The following SPNS3 variants were observed in gnomAD, a reference collection of about 807,000 sequenced individuals.
SPNS3 encodes the protein SPNS lysolipid transporter 3, sphingosine-1-phosphate (putative).
SPNS3 carries 51 observed loss-of-function variants against 54.4 expected under a neutral mutation model. That is an observed-to-expected ratio of 0.94 (90% CI 0.75 to 1.18). The LOEUF (loss-of-function observed/expected upper bound fraction) is 1.18, where lower values mean the gene tolerates loss of function less well. SPNS3 is among the 50% of genes most tolerant of loss of function. The pLI, the probability that SPNS3 is intolerant of heterozygous loss-of-function variation, is 0.00. For missense variants in SPNS3, 669 were observed against 677.4 expected (o/e 0.99, Z 0.14); for synonymous variants, 309 against 294.7 (o/e 1.05, Z -0.50).
At chr17:4,446,719 C>T (rs371505491) in intron 4 of SPNS3, 177 bp from the exon 5 acceptor site, 16 of 640,268 alleles carry the variant, frequency 2.5e-5, no homozygotes, top group South Asian at 8.8e-5. Context: ...GTGACCTGAC[C>T]GAGGGCAGTG....
chr17:4,476,969 CT>C (rs890483429), intron 8 of SPNS3, among the ~76,000 whole-genome samples: 7 of 152,222 alleles, frequency 4.6e-5, no homozygotes, highest in African/African-American at 1.7e-4. Flanking sequence ...TGTGGCTGTC[CT>C]GGGCCCGTCC....
Position 4,484,389 on chromosome 17 carries a change from C to T in SPNS3, c.1180-1839C>T, listed in dbSNP as rs141766553. 2.5e-3 allele frequency among the ~76,000 whole-genome samples: 381 copies of T among 152,302 alleles called. 2 individuals carry two copies. The highest frequency in any genetic ancestry group is 8.7e-3 in the African/African-American group (360 of 41,548). On this transcript the variant is annotated intron_variant, in intron 9 of 11. Coordinates refer to ENST00000355530, the MANE Select transcript of SPNS3 (RefSeq NM_182538.5). The stretch of plus-strand genomic sequence containing the variant: ...AGGCTGGAGTATAGTGGTGCCACCT[C>T]GGCTCACTAGAACCTCCACCTCCCG...
At chr17:4,453,274 A>C in intron 8 of SPNS3, 69 bp downstream of exon 8, 15 of 1,445,384 alleles carry the variant, frequency 1.0e-5, no homozygotes, top group Non-Finnish European at 1.1e-5. Context: ...CCACAGGCTC[A>C]TGCTGCGCCC....
chr17:4,475,649 A>G (rs924024), intron 8 of SPNS3, among the ~76,000 whole-genome samples: 97,980 of 152,074 alleles, frequency 0.64, 31,829 homozygotes, highest in East Asian at 0.86. Flanking sequence ...ACTGGGCAGG[A>G]ACAGAGATGT....
chr17:4,465,408 T>C (rs1971650364), intron 8 of SPNS3, among the ~76,000 whole-genome samples: 1 of 152,094 alleles, frequency 6.6e-6, no homozygotes, highest in Non-Finnish European at 1.5e-5. Context: ...TGAGCACAAC[T>C]TTCTGCTCAT....
At chr17:4,479,343 A>G (rs1281344243) in intron 9 of SPNS3, among the ~76,000 whole-genome samples, 1 of 152,204 alleles carries the variant, frequency 6.6e-6, no homozygotes, top group African/African-American at 2.4e-5. Flanking sequence ...GGCAGTAGCC[A>G]CTGAGGCCCA....
intron 8 of SPNS3, 105 bp from the exon 9 acceptor site, chr17:4,478,467 T>G (rs1027082947): frequency 9.7e-7 from 1 of 1,026,970 alleles, no homozygotes; most frequent in African/African-American, 1.6e-5. Context: ...CAATAATGCC[T>G]TTCTCTGTAG....
At position 4,448,364 on chromosome 17, in the gene SPNS3, A is replaced by G. The variant is rs528953104; in HGVS notation, c.770+61A>G. 15 of 1,411,400 alleles carry G rather than the reference A, an allele frequency of 1.1e-5. No homozygotes were observed. In the Admixed American group the frequency reaches 3.6e-4, roughly 34 times the overall value. 87.4% of individuals were successfully genotyped at this position (1,411,400 alleles called of 1,614,324 possible). On this transcript the variant is annotated intron_variant, in intron 6 of 11. Coordinates refer to ENST00000355530, the MANE Select transcript of SPNS3 (RefSeq NM_182538.5). ...AAGCCCGTTTGTCTGCCCCAGCATC[A>G]TTGACCCCCTCTCTCCACCTCCAGG... is the stretch of plus-strand genomic sequence containing the variant.
In SPNS3 at chr17:4,440,230, G is replaced by A. The variant is rs76324518; in HGVS notation, c.265+507G>A. ...GCAGGGAGCAGCCACACGTCCCATC[G>A]CAACATCAGAGCGGTTGGGGTCATG... On this transcript the variant is annotated intron_variant, in intron 2 of 11. Transcript: ENST00000355530. Among the ~76,000 whole-genome samples the A allele has an allele frequency of 7.5e-3, 1,141 of 152,316 alleles. 7 individuals carry two copies. Among genetic ancestry groups the A allele is most frequent in the Non-Finnish European group, 0.012 (850 of 68,018 alleles).
Position 4,479,601 on chromosome 17 carries a change from T to C in SPNS3, c.1179+964T>C, listed in dbSNP as rs57328648. 0.043 allele frequency among the ~76,000 whole-genome samples: 6,482 copies of C among 152,296 alleles called. 996 individuals are homozygous for C. The East Asian group carries it at 0.59, about 14-fold the overall frequency. On this transcript the variant is annotated intron_variant, in intron 9 of 11. Transcript: ENST00000355530. ...CAGGGCCCTGGGCCTGTGAGCACCC[T>C]GAGAGCCTTCCTTCTGCCTCCTGGC... is the stretch of plus-strand genomic sequence containing the variant.
intron 9 of SPNS3, among the ~76,000 whole-genome samples, chr17:4,481,805 G>A (rs1397677715): frequency 1.3e-5 from 2 of 152,102 alleles, no homozygotes; most frequent in South Asian, 4.1e-4. Context: ...TCACACCTGC[G>A]TCCTGCAGAT....
Position 4,468,767 on chromosome 17 carries a change from T to TTCTTTCTTTCTC in SPNS3, c.1114-9800_1114-9799insCTTTCTCTCTTT, listed in dbSNP as rs760900558. On this transcript the variant is annotated intron_variant, in intron 8 of 11. Transcript: ENST00000355530. ...TTTCTTTCTTTCTTTCTTTCTCTCT[T>TTCTTTCTTTCTC]TCTTTTTCTTTCTTTCTCTCTCTCT... Among the ~76,000 whole-genome samples the TTCTTTCTTTCTC allele has an allele frequency of 5.8e-3, 603 of 104,720 alleles. 3 individuals are homozygous for TTCTTTCTTTCTC. The highest frequency in any genetic ancestry group is 6.7e-3 in the Non-Finnish European group (355 of 53,082). 68.7% of individuals were successfully genotyped at this position (104,720 alleles called of 152,430 possible).
Position 4,446,084 on chromosome 17 carries a change from G to A in SPNS3, c.439G>A (p.Gly147Ser). ...WLFFLSRGIV[G>S]TGSASYSTIA... ...CTTCTTCCTGTCCCGGGGCATCGTG[G>A]GCACTGGCTCGGCCAGCTACTCCAC... The change falls in exon 4 of 12, where the codon GGC becomes AGC. Residue 147 changes from glycine (G) to serine (S), a missense_variant. Transcript: ENST00000355530. 3 of 1,612,376 alleles carry A rather than the reference G, an allele frequency of 1.9e-6. No individual in the cohort carries two copies. The highest frequency in any genetic ancestry group is 2.5e-6 in the Non-Finnish European group (3 of 1,178,764).
At chr17:4,453,523 C>A (rs974196167) in intron 8 of SPNS3, among the ~76,000 whole-genome samples, 1 of 152,078 alleles carries the variant, frequency 6.6e-6, no homozygotes, top group Non-Finnish European at 1.5e-5. Flanking sequence ...GAGGCTGAGG[C>A]AGGAGAATCG....
chr17:4,467,062 A>C (rs1462813780), intron 8 of SPNS3, among the ~76,000 whole-genome samples: 1 of 152,042 alleles, frequency 6.6e-6, no homozygotes, highest in African/African-American at 2.4e-5. Context: ...GCCTGTGCGG[A>C]GGCCCTGAGG....
chr17:4,441,919 C>T (rs1970858482), intron 2 of SPNS3, among the ~76,000 whole-genome samples: 1 of 151,158 alleles, frequency 6.6e-6, no homozygotes, highest in South Asian at 2.1e-4. Flanking sequence ...TGGCCCTTAC[C>T]ATAGTATGGT....
At chr17:4,457,752 C>A (rs563982748) in intron 8 of SPNS3, among the ~76,000 whole-genome samples, 1 of 152,150 alleles carries the variant, frequency 6.6e-6, no homozygotes, top group Non-Finnish European at 1.5e-5. Context: ...CCCCCCCTCA[C>A]CCCCTGCACC....
intron 3 of SPNS3, among the ~76,000 whole-genome samples, chr17:4,445,817 G>A (rs1189081466): frequency 6.6e-6 from 1 of 152,056 alleles, no homozygotes; most frequent in African/African-American, 2.4e-5. Flanking sequence ...GTTAGCAATG[G>A]TGGGACCCAG....
At chr17:4,485,859 T>C (rs1972298885) in intron 9 of SPNS3, among the ~76,000 whole-genome samples, 1 of 152,232 alleles carries the variant, frequency 6.6e-6, no homozygotes, top group Non-Finnish European at 1.5e-5. Flanking sequence ...ACACCTGGCA[T>C]GCACCCGCTC....
Sources: allele counts gnomAD v4.1 joint callset (sites outside exome capture counted in the v4.1 genomes callset), GRCh38; gene constraint gnomAD v4.1.1; transcripts MANE v1.5; gene names NCBI Gene and HGNC (gene_info 2026-07-23, HGNC 2026-07-21).